The following CDC42BPG variants were observed in gnomAD, a reference collection of about 807,000 sequenced individuals.
CDC42BPG encodes the protein serine/threonine-protein kinase MRCK gamma.
In CDC42BPG, 157 loss-of-function variants were observed where a neutral mutation model predicts 192.2. The observed-to-expected ratio is 0.82, with a 90% CI of 0.72 to 0.93. CDC42BPG has a LOEUF of 0.93. Among genes scored for constraint, CDC42BPG ranks in the 40% least tolerant of loss-of-function variants. The pLI is 0.00. For missense variants in CDC42BPG, 1,992 were observed against 2,122.1 expected, an observed-to-expected ratio of 0.94 and a Z score of 1.20; for synonymous variants, 981 against 918.5, an observed-to-expected ratio of 1.07 and a Z score of -1.23.
In CDC42BPG at chr11:64,831,557, A is replaced by C; in HGVS notation, c.3252T>G (p.Ala1084=). Residue 1084 remains alanine (A), a synonymous_variant, in exon 28 of 37, where the codon GCT becomes GCG. Transcript: ENST00000342711. ...GCAGCAGCGGCAGCCCGTTGTCGTA[A>C]GCCTCCTTGAGTGTGTACACGGGCC... ...RPRPVYTLKE[A]YDNGLPLLPH... 6.2e-7 allele frequency: 1 copy of C among 1,612,268 alleles called. No individual in the cohort carries two copies.
chr11:64,840,985 C>T (rs1309573286), intron 3 of CDC42BPG, among the ~76,000 whole-genome samples: 3 of 151,862 alleles, frequency 2.0e-5, no homozygotes, highest in South Asian at 4.2e-4. Context: ...TCCATCTCTA[C>T]TAAAAATACA....
At chr11:64,839,277 G>A in intron 6 of CDC42BPG, 44 bp from the exon 7 acceptor site, 2 of 1,607,550 alleles carry the variant, frequency 1.2e-6, no homozygotes, top group Non-Finnish European at 1.7e-6. Flanking sequence ...CTTTGGGCTT[G>A]GCTGGGACTG....
chr11:64,838,357 G>C (rs555138336), intron 8 of CDC42BPG, among the ~76,000 whole-genome samples, 195 bp from the exon 9 acceptor site: 2 of 152,296 alleles, frequency 1.3e-5, no homozygotes, highest in South Asian at 4.1e-4. Context: ...TTCCTTATAC[G>C]GATTCTAGTT....
chr11:64,832,612 T>A lies in CDC42BPG; in HGVS notation c.2997A>T (p.Leu999=). 8 of 1,613,860 alleles carry A rather than the reference T, an allele frequency of 5.0e-6. No individual in the cohort carries two copies. The highest frequency in any genetic ancestry group is 6.8e-6 in the Non-Finnish European group (8 of 1,179,982). The part of the protein sequence containing the change: ...SPPSGALLQV[L]DLRDPQFSAT... ...CACTGCCCGGCACCTACCTCAGATCTAGGACCTGCAGGAGGGCCCCACTGG... is the reference window on the plus strand; with the variant it reads ...CACTGCCCGGCACCTACCTCAGATCAAGGACCTGCAGGAGGGCCCCACTGG... The change falls in exon 26 of 37, where the codon CTA becomes CTT. Residue 999 remains leucine, a synonymous_variant. Transcript: ENST00000342711.
Position 64,829,507 on chromosome 11 carries a change from G to A in CDC42BPG, c.3931C>T (p.His1311Tyr), listed in dbSNP as rs1229580595. ...GGCGCTGCTGGCCACAACAGCTCGT[G>A]GCCACGAGACTTGCGGCCTGCGCCA... ...VDGAGRKSRGHELLWPAAPMG... is the reference protein window; with the variant it reads ...VDGAGRKSRGYELLWPAAPMG... Residue 1311 changes from histidine (H) to tyrosine (Y), a missense_variant, in exon 30 of 37, where the codon CAC becomes TAC. By Grantham distance (83) the His-to-Tyr change is moderately conservative. Transcript: ENST00000342711. 24 of 1,612,962 alleles carry A rather than the reference G, an allele frequency of 1.5e-5. No homozygotes were observed. The highest frequency in any genetic ancestry group is 2.0e-5 in the Non-Finnish European group (24 of 1,179,944).
chr11:64,841,015 G>A (rs996633262), intron 3 of CDC42BPG, among the ~76,000 whole-genome samples: 2 of 152,048 alleles, frequency 1.3e-5, no homozygotes, highest in African/African-American at 2.4e-5. Context: ...GCTGGGTGTC[G>A]TGGCACACGC....
intron 16 of CDC42BPG, 52 bp from the exon 17 acceptor site, chr11:64,835,205 T>C (rs768668250): frequency 6.2e-7 from 1 of 1,602,082 alleles, no homozygotes; most frequent in South Asian, 1.1e-5. Context: ...GTCCTGGGAC[T>C]GCCGTCTCCC....
At chr11:64,831,997 G>A (rs1458457388) in intron 27 of CDC42BPG, among the ~76,000 whole-genome samples, 6 of 152,266 alleles carry the variant, frequency 3.9e-5, no homozygotes, top group Non-Finnish European at 7.3e-5. Flanking sequence ...AAGCCTGAGG[G>A]ACGAGTAACT....
In CDC42BPG at chr11:64,830,255, G is replaced by A; in HGVS notation, c.3306C>T (p.Asp1102=). 1.2e-6 allele frequency: 2 copies of A among 1,606,386 alleles called. No individual in the cohort carries two copies. The highest frequency in any genetic ancestry group is 2.2e-5 in the South Asian group (2 of 89,698). Residue 1102 remains aspartate, a splice_region_variant and synonymous_variant, in exon 29 of 37, where the codon GAC becomes GAT. Transcript: ENST00000342711. ...CGGTGCCAAGCGCAAGTCGATCCTG[G>A]TCTGGTAGAGGGAGGCAGAGGGTCA... ...LPHTLCAAIL[D]QDRLALGTEE... is the part of the protein sequence containing the mutation.
chr11:64,840,067 AGGGGTTGGGCAGGGCAGC>A (rs558272930), intron 5 of CDC42BPG, 35 bp downstream of exon 5: 207 of 1,542,490 alleles, frequency 1.3e-4, no homozygotes, highest in Middle Eastern at 3.7e-4. Context: ...CACAGCTGGC[AGGGGTTGGGCAGGGCAGC>A]GGGGTTGGGC....
At chr11:64,840,777 C>A (rs553676953) in intron 3 of CDC42BPG, 129 bp from the exon 4 acceptor site, 1 of 774,828 alleles carries the variant, frequency 1.3e-6, no homozygotes. Flanking sequence ...GCTCTACTGT[C>A]CCCTGTCTGG....
intron 27 of CDC42BPG, 110 bp from the exon 28 acceptor site, chr11:64,831,831 C>A (rs1942707949): frequency 6.3e-6 from 6 of 953,234 alleles, no homozygotes; most frequent in Non-Finnish European, 9.4e-6. Flanking sequence ...GCACTGTCAG[C>A]AGCAGGGAGT....
chr11:64,838,566 C>G, intron 8 of CDC42BPG, 88 bp downstream of exon 8: 1 of 1,536,686 alleles, frequency 6.5e-7, no homozygotes, highest in Non-Finnish European at 8.9e-7. Flanking sequence ...TCACCCCCAG[C>G]CCACCCCAGG....
intron 6 of CDC42BPG, 42 bp downstream of exon 6, chr11:64,839,436 C>T (rs755819896): frequency 3.7e-5 from 58 of 1,567,366 alleles, no homozygotes; most frequent in African/African-American, 3.6e-4. Context: ...GAGCTTGGCC[C>T]GCCTTGTATC....
chr11:64,834,179 C>A, intron 20 of CDC42BPG, 87 bp downstream of exon 20: 1 of 1,435,984 alleles, frequency 7.0e-7, no homozygotes, highest in Non-Finnish European at 9.4e-7. Flanking sequence ...GTCTCCACCA[C>A]CCTGCCAGGC....
At chr11:64,835,017 T>TGGCCCCCCCCCCCCCCCCCCCCCCCCCC in intron 17 of CDC42BPG, 30 bp downstream of exon 17, 1 of 1,571,958 alleles carries the variant, frequency 6.4e-7, no homozygotes, top group Non-Finnish European at 8.7e-7. Flanking sequence ...TCGCCTGCGT[T>TGGCCCCCCCCCCCCCCCCCCCCCCCCCC]CCCCACCCCG....
At chr11:64,837,084 C>T (rs1943055651) in intron 9 of CDC42BPG, 65 bp from the exon 10 acceptor site, 1 of 1,303,132 alleles carries the variant, frequency 7.7e-7, no homozygotes, top group Non-Finnish European at 1.1e-6. Flanking sequence ...CCTCCATCCT[C>T]CTGGACCGAA....
intron 30 of CDC42BPG, 79 bp downstream of exon 30, chr11:64,829,392 A>C: frequency 1.9e-6 from 3 of 1,539,094 alleles, no homozygotes; most frequent in Non-Finnish European, 2.6e-6. Flanking sequence ...TGCCAGGCTC[A>C]TGAGTTGAGG....
intron 4 of CDC42BPG, 71 bp from the exon 5 acceptor site, chr11:64,840,339 G>A: frequency 6.4e-7 from 1 of 1,562,866 alleles, no homozygotes; most frequent in Admixed American, 1.7e-5. Context: ...GTCCCGCAGG[G>A]CTCTGGGAAG....
Sources: gnomAD v4.1 joint callset for allele counts (sites outside exome capture counted in the v4.1 genomes callset) on GRCh38, gnomAD v4.1.1 for gene constraint, MANE v1.5 for transcripts, NCBI Gene and HGNC (gene_info 2026-07-23, HGNC 2026-07-21) for gene names.